The following KAT7 variants were observed in gnomAD, a reference collection of about 807,000 sequenced individuals.
KAT7 encodes histone acetyltransferase KAT7.
Under a neutral mutation model 82.1 loss-of-function variants are expected in KAT7, and 10 were observed. The ratio of observed to expected loss-of-function variants is 0.12; its 90% CI spans 0.08 to 0.21. KAT7 has a LOEUF of 0.21. Among genes scored for constraint, KAT7 ranks in the 10% least tolerant of loss-of-function variants. The pLI is 1.00. For synonymous variants in KAT7, 250 were observed against 262.5 expected, an observed-to-expected ratio of 0.95 and a Z score of 0.46; for missense variants, 378 against 760.9, an observed-to-expected ratio of 0.50 and a Z score of 5.92.
intron 12 of KAT7, among the ~76,000 whole-genome samples, chr17:49,825,010 T>G (rs2074352288): frequency 6.6e-6 from 1 of 152,214 alleles, no homozygotes; most frequent in Non-Finnish European, 1.5e-5. Flanking sequence ...TTTTATTTTT[T>G]TAATACTCAG....
At chr17:49,799,652 G>A (rs1207697689) in intron 4 of KAT7, among the ~76,000 whole-genome samples, 1 of 152,132 alleles carries the variant, frequency 6.6e-6, no homozygotes, top group African/African-American at 2.4e-5. Context: ...TGGGATTACA[G>A]GCATGAGCCT....
chr17:49,802,999 G>C (rs947626288), intron 4 of KAT7, among the ~76,000 whole-genome samples: 1 of 152,062 alleles, frequency 6.6e-6, no homozygotes, highest in South Asian at 2.1e-4. Flanking sequence ...CAAAGTGCTG[G>C]GATTACAGGT....
At chr17:49,816,033 C>T (rs2143947353) in intron 8 of KAT7, 120 bp downstream of exon 8, 5 of 628,740 alleles carry the variant, frequency 8.0e-6, no homozygotes, top group East Asian at 5.5e-5. Context: ...GAATCTCTTT[C>T]CCTGTCTCCC....
intron 11 of KAT7, among the ~76,000 whole-genome samples, chr17:49,822,287 G>A (rs1265742825): frequency 2.0e-5 from 3 of 151,828 alleles, no homozygotes; most frequent in Non-Finnish European, 2.9e-5. Context: ...GAGTACAGAG[G>A]TATGACCTTG....
chr17:49,826,449 T>C, intron 13 of KAT7: 1 of 510,322 alleles, frequency 2.0e-6, no homozygotes, highest in East Asian at 3.2e-5. Context: ...GTGGAACAAT[T>C]TAGTTTGATC....
chr17:49,799,538 A>G (rs553323236), intron 4 of KAT7, among the ~76,000 whole-genome samples: 1 of 152,130 alleles, frequency 6.6e-6, no homozygotes, highest in East Asian at 1.9e-4. Flanking sequence ...CCACAACCAC[A>G]CCTAACTTTT....
At chr17:49,801,354 T>A (rs1490610933) in intron 4 of KAT7, among the ~76,000 whole-genome samples, 1 of 152,096 alleles carries the variant, frequency 6.6e-6, no homozygotes, top group Non-Finnish European at 1.5e-5. Context: ...CTGGCTAATT[T>A]TTGTATTTTT....
rs1294346742 is a variant in KAT7, at chr17:49,831,597, G to A, written c.*4095G>A. 1 of 152,116 alleles carries A rather than the reference G, an allele frequency of 6.6e-6. No individual in the cohort carries two copies. Among genetic ancestry groups the A allele is most frequent in the Non-Finnish European group, 1.5e-5 (1 of 68,032 alleles). 9.4% of individuals were successfully genotyped at this position (152,116 alleles called of 1,614,324 possible). A position where few individuals can be genotyped will look rare whatever the true frequency, so the allele number is the denominator to read the frequency against. ...TCCCATACTTTTGGCATTGTTATGA[G>A]GTCTGGTCACCTGATGCTTCCATGC... On this transcript the variant is annotated 3_prime_UTR_variant, in exon 15 of 15. Transcript: ENST00000259021.
At chr17:49,813,712 T>C (rs1406195476) in intron 7 of KAT7, among the ~76,000 whole-genome samples, 3 of 152,198 alleles carry the variant, frequency 2.0e-5, no homozygotes, top group African/African-American at 7.2e-5. Flanking sequence ...AATCTAGAGA[T>C]GACTTAAAGT....
intron 4 of KAT7, among the ~76,000 whole-genome samples, chr17:49,803,696 T>A (rs998597490): frequency 6.6e-6 from 1 of 152,180 alleles, no homozygotes; most frequent in Non-Finnish European, 1.5e-5. Context: ...AGTGCTGTGA[T>A]TACAAGTGTG....
At chr17:49,812,128 C>G (rs367976462) in intron 7 of KAT7, among the ~76,000 whole-genome samples, 13 of 151,896 alleles carry the variant, frequency 8.6e-5, no homozygotes, top group African/African-American at 2.4e-4. Flanking sequence ...AAAATAGCCA[C>G]AGTTAGTGTT....
At chr17:49,793,241 C>T (rs777754972) in intron 2 of KAT7, among the ~76,000 whole-genome samples, 4 of 152,184 alleles carry the variant, frequency 2.6e-5, no homozygotes, top group Non-Finnish European at 5.9e-5. Context: ...CTTCTAAAAC[C>T]ATGTTTAACT....
intron 2 of KAT7, among the ~76,000 whole-genome samples, chr17:49,795,914 A>G (rs1322366482): frequency 6.6e-6 from 1 of 152,180 alleles, no homozygotes; most frequent in Non-Finnish European, 1.5e-5. Context: ...CTCCTGGATT[A>G]TAGATTAAAA....
At chr17:49,793,685 T>A (rs2073917851) in intron 2 of KAT7, among the ~76,000 whole-genome samples, 1 of 151,514 alleles carries the variant, frequency 6.6e-6, no homozygotes, top group Non-Finnish European at 1.5e-5. Flanking sequence ...GCAATTCTCC[T>A]GCCTCAGCCT....
intron 2 of KAT7, among the ~76,000 whole-genome samples, chr17:49,795,155 C>G (rs8081972): frequency 0.23 from 34,808 of 151,964 alleles, 4,508 homozygotes; most frequent in East Asian, 0.54. Flanking sequence ...TGACTGTTCT[C>G]ACCACAAAGA....
rs963141983 is a variant in KAT7 at position 49,829,973 on chromosome 17, G to C, written c.*2471G>C. Reference sequence around the variant, plus strand: ...TTGGCTCACAACCTCTGCCTCCCGGGTTCAAGTGATTCTTCTGTCTCAGCC... The same window carrying C: ...TTGGCTCACAACCTCTGCCTCCCGGCTTCAAGTGATTCTTCTGTCTCAGCC... On this transcript the variant is annotated 3_prime_UTR_variant, in exon 15 of 15. Transcript: ENST00000259021. 1 of 151,818 alleles carries C rather than the reference G, an allele frequency of 6.6e-6. No homozygotes were observed. Among genetic ancestry groups the C allele is most frequent in the Admixed American group, 6.6e-5 (1 of 15,230 alleles). 9.4% of individuals were successfully genotyped at this position (151,818 alleles called of 1,614,324 possible).
intron 5 of KAT7, among the ~76,000 whole-genome samples, chr17:49,808,777 T>G (rs1234385266): frequency 6.6e-6 from 1 of 152,334 alleles, no homozygotes; most frequent in African/African-American, 2.4e-5. Flanking sequence ...TAATGTTTTC[T>G]TTGTACTTCC....
At chr17:49,817,183 T>C (rs1055495202) in intron 8 of KAT7, among the ~76,000 whole-genome samples, 1 of 152,006 alleles carries the variant, frequency 6.6e-6, no homozygotes, top group Non-Finnish European at 1.5e-5. Flanking sequence ...TTTATAAGGG[T>C]GGGGAGTTTG....
At chr17:49,791,689 T>C (rs1018176530) in intron 1 of KAT7, among the ~76,000 whole-genome samples, 197 bp from the exon 2 acceptor site, 2 of 152,076 alleles carry the variant, frequency 1.3e-5, no homozygotes, top group Non-Finnish European at 2.9e-5. Flanking sequence ...AATTCCCTAT[T>C]TGTAGGTTGT....
Sources: allele counts gnomAD v4.1 joint callset (sites outside exome capture counted in the v4.1 genomes callset), GRCh38; gene constraint gnomAD v4.1.1; transcripts MANE v1.5; gene names NCBI Gene and HGNC (gene_info 2026-07-23, HGNC 2026-07-21).